The following CCDC171 variants were observed in gnomAD, a reference collection of about 807,000 sequenced individuals.
CCDC171 encodes the protein coiled-coil domain-containing protein 171.
A neutral mutation model predicts 168.2 loss-of-function variants in CCDC171; 177 were observed. The observed-to-expected ratio is 1.05, with a 90% CI of 0.93 to 1.19. The LOEUF (loss-of-function observed/expected upper bound fraction) is 1.19, where lower values mean the gene tolerates loss of function less well. Among genes scored for constraint, CCDC171 ranks in the 50% most tolerant of loss-of-function variants. CCDC171 has a pLI of 0.00. For synonymous variants in CCDC171, 687 were observed against 540.8 expected (o/e 1.27, Z -3.75); for missense variants, 1,991 against 1,539.0 (o/e 1.29, Z -4.91).
chr9:15,553,686 A>T (rs576347385), intron 1 of CCDC171: 1 of 152,268 alleles, frequency 6.6e-6, no homozygotes, highest in South Asian at 2.1e-4. Context: ...TAGACACTCT[A>T]CAGATGTTTG....
intron 18 of CCDC171, among the ~76,000 whole-genome samples, chr9:15,768,451 G>T (rs924698354): frequency 1.3e-5 from 2 of 152,058 alleles, no homozygotes; most frequent in Non-Finnish European, 2.9e-5. Flanking sequence ...TTACTAACCT[G>T]CTAGTGGGTA....
chr9:15,985,229 T>A (rs1831947854), intron 3 of CCDC171, among the ~76,000 whole-genome samples: 1 of 152,148 alleles, frequency 6.6e-6, no homozygotes, highest in South Asian at 2.1e-4. Flanking sequence ...CTTACTTGAG[T>A]AATAATGCAG....
chr9:16,033,181 AG>A (rs1833394519), intron 6 of CCDC171, among the ~76,000 whole-genome samples: 1 of 152,310 alleles, frequency 6.6e-6, no homozygotes, highest in South Asian at 2.1e-4. Context: ...CATGGAAGCA[AG>A]GGAAGGCTCT....
intron 16 of CCDC171, among the ~76,000 whole-genome samples, chr9:15,732,777 A>T (rs1418525672): frequency 2.0e-5 from 3 of 152,104 alleles, no homozygotes; most frequent in African/African-American, 7.2e-5. Context: ...GTGTGATCAT[A>T]AATTTTCATT....
chr9:15,745,372 ATTTAATAGATTT>A lies in CCDC171; in HGVS notation c.2555-140_2555-129del, dbSNP rs2055195767. 6 of 450,820 alleles carry A rather than the reference ATTTAATAGATTT, an allele frequency of 1.3e-5. No homozygotes were observed. In the Admixed American group the frequency reaches 2.4e-4, roughly 18 times the overall value. The allele number at this position is 450,820 out of a possible 1,614,324, so 27.9% of individuals were successfully genotyped here. A position where few individuals can be genotyped will look rare whatever the true frequency, so the allele number is the denominator to read the frequency against. ...GTAAATTAGGTCAAGCTAATCTAAC[ATTTAATAGATTT>A]TTCCACATTAGGCAATGTTCACAAT... On this transcript the variant is annotated intron_variant, in intron 17 of 25. Transcript: ENST00000380701.
intron 11 of CCDC171, among the ~76,000 whole-genome samples, chr9:15,701,964 C>G (rs1209735394): frequency 2.6e-5 from 4 of 152,122 alleles, no homozygotes; most frequent in Non-Finnish European, 4.4e-5. Flanking sequence ...CAGCTATAGC[C>G]TTATGAAATG....
chr9:15,629,280 T>C (rs1311272184), intron 7 of CCDC171, among the ~76,000 whole-genome samples: 3 of 152,044 alleles, frequency 2.0e-5, no homozygotes, highest in Admixed American at 1.3e-4. Context: ...TTGAAAACTT[T>C]GAAAAAAATT....
intron 1 of CCDC171, among the ~76,000 whole-genome samples, chr9:16,054,227 C>A (rs536361908): frequency 4.6e-5 from 7 of 152,262 alleles, no homozygotes; most frequent in Admixed American, 4.6e-4. Context: ...TGGAAGAACA[C>A]CCTGGTAACC....
intron 25 of CCDC171, among the ~76,000 whole-genome samples, chr9:15,963,592 C>T (rs1356116338): frequency 1.3e-5 from 2 of 152,136 alleles, no homozygotes; most frequent in Non-Finnish European, 2.9e-5. Context: ...GATCATCAGA[C>T]ATCTAAGTTT....
intron 24 of CCDC171, among the ~76,000 whole-genome samples, chr9:15,909,213 G>A (rs1823237685): frequency 6.6e-6 from 1 of 152,170 alleles, no homozygotes; most frequent in Non-Finnish European, 1.5e-5. Flanking sequence ...TCTCCTACCT[G>A]TTTATGCTGA....
At chr9:15,933,514 A>G (rs1395903102) in intron 25 of CCDC171, among the ~76,000 whole-genome samples, 1 of 151,942 alleles carries the variant, frequency 6.6e-6, no homozygotes, top group African/African-American at 2.4e-5. Flanking sequence ...TTTAAAAATT[A>G]TTTCCATCCT....
chr9:15,920,645 C>G (rs1467910521), intron 25 of CCDC171, among the ~76,000 whole-genome samples: 2 of 151,594 alleles, frequency 1.3e-5, no homozygotes, highest in African/African-American at 4.8e-5. Context: ...GTTATCAATG[C>G]TAAAACACTA....
intron 7 of CCDC171, among the ~76,000 whole-genome samples, chr9:15,637,027 G>A (rs148801933): frequency 6.6e-6 from 1 of 151,994 alleles, no homozygotes. Flanking sequence ...AGGCTGAGGT[G>A]GGCCTATCAC....
chr9:15,584,365 C>T (rs1367024444), intron 4 of CCDC171, among the ~76,000 whole-genome samples: 1 of 152,154 alleles, frequency 6.6e-6, no homozygotes, highest in Non-Finnish European at 1.5e-5. Context: ...ATTTATTTAA[C>T]AAAGTTTTAG....
chr9:15,961,413 C>G (rs1207604541), intron 25 of CCDC171, among the ~76,000 whole-genome samples: 2 of 152,082 alleles, frequency 1.3e-5, no homozygotes, highest in Admixed American at 1.3e-4. Flanking sequence ...GCTGGAAGTG[C>G]TATTTGGAGT....
At position 15,893,250 on chromosome 9, in the gene CCDC171, G is replaced by A. The variant is rs576612281; in HGVS notation, c.3600+18587G>A. Among the ~76,000 whole-genome samples the A allele has an allele frequency of 7.9e-5, 12 of 152,214 alleles. No homozygotes were observed. The South Asian group carries it at 1.2e-3, about 16-fold the overall frequency. ...AGCCATATGCAAAATATTGAAACTGGACCCCTTCTTTACACCTTATACAAA... is the reference window on the plus strand; with the variant it reads ...AGCCATATGCAAAATATTGAAACTGAACCCCTTCTTTACACCTTATACAAA... On this transcript the variant is annotated intron_variant, in intron 24 of 25. Coordinates refer to ENST00000380701, the MANE Select transcript of CCDC171 (RefSeq NM_173550.4).
At chr9:16,038,162 G>A (rs940196707), upstream of CCDC171, among the ~76,000 whole-genome samples, 9 of 151,996 alleles carry the variant, frequency 5.9e-5, no homozygotes, top group Admixed American at 2.6e-4. Context: ...AATCACTATC[G>A]GTTTGCAATT....
At chr9:15,920,979 C>T (rs1825244314) in intron 25 of CCDC171, among the ~76,000 whole-genome samples, 1 of 151,246 alleles carries the variant, frequency 6.6e-6, no homozygotes. Context: ...AAAAAAATTT[C>T]TCTACTTGAA....
intron 4 of CCDC171, among the ~76,000 whole-genome samples, chr9:15,584,604 T>C (rs1164901995): frequency 6.6e-6 from 1 of 152,024 alleles, no homozygotes; most frequent in Non-Finnish European, 1.5e-5. Context: ...CTTTCAGAGG[T>C]AGTAGGTCAG....
Sources: allele counts gnomAD v4.1 joint callset (sites outside exome capture counted in the v4.1 genomes callset), GRCh38; gene constraint gnomAD v4.1.1; transcripts MANE v1.5; gene names NCBI Gene and HGNC (gene_info 2026-07-23, HGNC 2026-07-21).